PTPRD: variants seen among roughly 807,000 people sequenced by gnomAD.
PTPRD encodes protein tyrosine phosphatase receptor type D.
A neutral mutation model predicts 214.5 loss-of-function variants in PTPRD; 34 were observed. The ratio of observed to expected loss-of-function variants is 0.16; its 90% CI spans 0.12 to 0.21. The LOEUF (loss-of-function observed/expected upper bound fraction) is 0.21. Ranked by LOEUF, PTPRD falls within the 10% of genes least tolerant of loss-of-function variation. PTPRD has a pLI of 1.00. For missense variants in PTPRD, 2,545 were observed against 2,398.7 expected (o/e 1.06, Z -1.27); for synonymous variants, 1,128 against 845.7 (o/e 1.33, Z -5.79).
At chr9:9,193,132 G>C (rs372244111) in intron 9 of PTPRD, among the ~76,000 whole-genome samples, 1 of 152,094 alleles carries the variant, frequency 6.6e-6, no homozygotes, top group African/African-American at 2.4e-5. Flanking sequence ...AAATAAAAAT[G>C]AGTGACCAGC....
intron 21 of PTPRD, among the ~76,000 whole-genome samples, chr9:8,513,604 A>G (rs2097725022): frequency 6.6e-6 from 1 of 152,110 alleles, no homozygotes; most frequent in Admixed American, 6.5e-5. Flanking sequence ...TTATAGGGTT[A>G]GAGGAGAAAA....
intron 4 of PTPRD, among the ~76,000 whole-genome samples, chr9:9,947,848 A>G (rs12343895): frequency 0.04 from 5,964 of 150,436 alleles, 155 homozygotes; most frequent in South Asian, 0.096. Context: ...ATTTTGTTAA[A>G]TCAGCCATCC....
At chr9:8,537,954 T>C (rs1367108647) in intron 14 of PTPRD, among the ~76,000 whole-genome samples, 1 of 152,004 alleles carries the variant, frequency 6.6e-6, no homozygotes, top group Non-Finnish European at 1.5e-5. Context: ...AGCAAATGAT[T>C]ACCCTTTTTG....
At chr9:9,142,877 T>C (rs1032543991) in intron 10 of PTPRD, among the ~76,000 whole-genome samples, 1 of 152,156 alleles carries the variant, frequency 6.6e-6, no homozygotes, top group Admixed American at 6.5e-5. Flanking sequence ...GGCCATATTG[T>C]TGGGCTTCCT....
At chr9:9,727,207 G>A (rs1324483409) in intron 7 of PTPRD, among the ~76,000 whole-genome samples, 1 of 152,020 alleles carries the variant, frequency 6.6e-6, no homozygotes, top group Non-Finnish European at 1.5e-5. Context: ...TATAATTCTG[G>A]CATTCTGGGT....
At chr9:10,272,585 T>A (rs1374906508) in intron 3 of PTPRD, among the ~76,000 whole-genome samples, 4 of 152,208 alleles carry the variant, frequency 2.6e-5, no homozygotes, top group Non-Finnish European at 4.4e-5. Flanking sequence ...AACCTATATA[T>A]TTTGTTAAGA....
intron 14 of PTPRD, among the ~76,000 whole-genome samples, chr9:8,596,188 G>C (rs1164898000): frequency 2.0e-5 from 3 of 151,816 alleles, no homozygotes; most frequent in Non-Finnish European, 4.4e-5. Flanking sequence ...AAATAATATA[G>C]TATTTTGCAT....
intron 12 of PTPRD, among the ~76,000 whole-genome samples, chr9:8,662,979 C>T (rs1311707756): frequency 6.6e-6 from 1 of 152,022 alleles, no homozygotes; most frequent in Admixed American, 6.6e-5. Context: ...CTGGAATATA[C>T]AAATAAAAAG....
intron 12 of PTPRD, among the ~76,000 whole-genome samples, chr9:8,710,807 C>T (rs2098317352): frequency 6.6e-6 from 1 of 152,078 alleles, no homozygotes; most frequent in South Asian, 2.1e-4. Context: ...GAGAACTTTA[C>T]ATATGAAGGG....
intron 5 of PTPRD, among the ~76,000 whole-genome samples, chr9:9,846,186 A>C (rs2059494855): frequency 6.6e-6 from 1 of 152,058 alleles, no homozygotes; most frequent in African/African-American, 2.4e-5. Flanking sequence ...TTAACATTGT[A>C]TTGTTCTTAC....
chr9:9,473,406 C>G (rs73403086), intron 8 of PTPRD, among the ~76,000 whole-genome samples: 2,435 of 152,214 alleles, frequency 0.016, 74 homozygotes, highest in African/African-American at 0.056. Flanking sequence ...CATATCTTGT[C>G]TATTGCGAAT....
At chr9:8,349,609 A>C (rs2074859863) in intron 39 of PTPRD, among the ~76,000 whole-genome samples, 1 of 152,110 alleles carries the variant, frequency 6.6e-6, no homozygotes, top group South Asian at 2.1e-4. Flanking sequence ...CCTTATTTTT[A>C]TCTGTTTTCT....
intron 4 of PTPRD, among the ~76,000 whole-genome samples, chr9:10,017,551 C>A (rs572152506): frequency 6.6e-6 from 1 of 152,170 alleles, no homozygotes; most frequent in African/African-American, 2.4e-5. Flanking sequence ...TTCCTCAAGT[C>A]TGGAAGCCTT....
chr9:10,439,107 G>A (rs376757052), intron 2 of PTPRD, among the ~76,000 whole-genome samples: 5 of 151,796 alleles, frequency 3.3e-5, no homozygotes, highest in African/African-American at 1.2e-4. Context: ...GAATTCCTCT[G>A]CCACCAGCTT....
chr9:8,965,133 T>C (rs139501254), intron 11 of PTPRD, among the ~76,000 whole-genome samples: 7,973 of 152,104 alleles, frequency 0.052, 503 homozygotes, highest in East Asian at 0.26. Flanking sequence ...ATCCCAGCAC[T>C]TTGGGAGGCC....
chr9:10,539,900 G>T lies in PTPRD; in HGVS notation c.-600+72498C>A, dbSNP rs536130552. Among the ~76,000 whole-genome samples the T allele has an allele frequency of 2.0e-5, 3 of 152,264 alleles. No individual in the cohort carries two copies. In the South Asian group the frequency reaches 6.2e-4, roughly 32 times the overall value. On this transcript the variant is annotated intron_variant, in intron 2 of 45. Coordinates refer to ENST00000381196, the MANE Select transcript of PTPRD (RefSeq NM_002839.4). ...GAGGGGCCCATCTTGCGTCTGTGGT[G>T]TATCAACAACAATCATTATTATCAT...
intron 7 of PTPRD, among the ~76,000 whole-genome samples, chr9:9,593,006 C>G (rs748058067): frequency 6.6e-6 from 1 of 151,086 alleles, no homozygotes; most frequent in Non-Finnish European, 1.5e-5. Flanking sequence ...GATTGTGCCA[C>G]TGCATTCCAG....
intron 9 of PTPRD, among the ~76,000 whole-genome samples, chr9:9,226,629 T>G (rs2099959656): frequency 6.6e-6 from 1 of 152,026 alleles, no homozygotes; most frequent in East Asian, 1.9e-4. Flanking sequence ...AGTGGAGTAA[T>G]GAGATCTTGG....
intron 8 of PTPRD, among the ~76,000 whole-genome samples, chr9:9,507,152 G>A (rs1283236629): frequency 6.6e-6 from 1 of 151,294 alleles, no homozygotes; most frequent in African/African-American, 2.4e-5. Flanking sequence ...GGCATCAAGA[G>A]AATGATTCTA....
Sources: gnomAD v4.1 joint callset for allele counts (sites outside exome capture counted in the v4.1 genomes callset) on GRCh38, gnomAD v4.1.1 for gene constraint, MANE v1.5 for transcripts, NCBI Gene and HGNC (gene_info 2026-07-23, HGNC 2026-07-21) for gene names.